The following TP53BP1 variants were observed in gnomAD, a reference collection of about 807,000 sequenced individuals.
TP53BP1 encodes TP53-binding protein 1.
Under a neutral mutation model 200.8 loss-of-function variants are expected in TP53BP1, and 61 were observed. The observed-to-expected ratio is 0.30, with a 90% CI of 0.25 to 0.38. The LOEUF is 0.38. Among genes scored for constraint, TP53BP1 ranks in the 10% least tolerant of loss-of-function variants. The pLI is 1.00. For synonymous variants in TP53BP1, 822 were observed against 844.3 expected (o/e 0.97, Z 0.46); for missense variants, 2,144 against 2,371.9 (o/e 0.90, Z 2.00).
chr15:43,508,351 C>T (rs1042985574), intron 1 of TP53BP1, among the ~76,000 whole-genome samples: 1 of 152,120 alleles, frequency 6.6e-6, no homozygotes, highest in Non-Finnish European at 1.5e-5. Context: ...GAGAGCAAGA[C>T]TCCGTCTCAA....
chr15:43,439,935 T>C (rs989047127), intron 15 of TP53BP1, among the ~76,000 whole-genome samples: 3 of 152,208 alleles, frequency 2.0e-5, no homozygotes, highest in Admixed American at 1.3e-4. Flanking sequence ...TCTAAGACTA[T>C]ATATCATTAA....
At position 43,479,944 on chromosome 15, in the gene TP53BP1, C is replaced by T. The variant is rs778248262; in HGVS notation, c.573G>A (p.Val191=). ...GCTGCTCTTTGTCCACTTCATATGG[C>T]ACAGTATTTTCCTCAACATCCTGGC... ...SQSQDVEENT[V]PYEVDKEQLQ... Residue 191 remains valine (V), a synonymous_variant, in exon 6 of 28, where the codon GTG becomes GTA. Transcript: ENST00000382044. The T allele has an allele frequency of 6.2e-7, 1 of 1,614,016 alleles. No individual in the cohort carries two copies. The highest frequency in any genetic ancestry group is 8.5e-7 in the Non-Finnish European group (1 of 1,180,026).
At chr15:43,475,522 A>G (rs2078867348) in intron 9 of TP53BP1, 43 bp downstream of exon 9, 1 of 1,608,774 alleles carries the variant, frequency 6.2e-7, no homozygotes, top group Non-Finnish European at 8.5e-7. Context: ...TAAGACTCTC[A>G]GGCACATACT....
At chr15:43,468,790 A>G (rs1240986333) in intron 11 of TP53BP1, among the ~76,000 whole-genome samples, 1 of 152,192 alleles carries the variant, frequency 6.6e-6, no homozygotes, top group Non-Finnish European at 1.5e-5. Flanking sequence ...TTCAATTTCA[A>G]TTGGTCACAA....
chr15:43,407,308 C>G lies in TP53BP1; in HGVS notation c.*75G>C. ...TCCATGCAAGGAATCCAGTTACACA[C>G]AAGACACATTTAAAACCTGGTTAAA... On this transcript the variant is annotated 3_prime_UTR_variant, in exon 28 of 28. Coordinates refer to ENST00000382044, the MANE Select transcript of TP53BP1 (RefSeq NM_001141980.3). The G allele has an allele frequency of 1.5e-6, 2 of 1,320,456 alleles. No homozygotes were observed. The highest frequency in any genetic ancestry group is 2.6e-5 in the South Asian group (2 of 76,670). 81.8% of individuals were successfully genotyped at this position (1,320,456 alleles called of 1,614,324 possible). A position where few individuals can be genotyped will look rare whatever the true frequency, so the allele number is the denominator to read the frequency against.
chr15:43,473,651 T>C (rs528684831), intron 10 of TP53BP1, among the ~76,000 whole-genome samples: 22 of 151,804 alleles, frequency 1.4e-4, no homozygotes, highest in Non-Finnish European at 2.5e-4. Flanking sequence ...GAGTGTGGAT[T>C]GGTGCATTCA....
chr15:43,490,622 C>T (rs1354362079), intron 4 of TP53BP1, among the ~76,000 whole-genome samples: 1 of 152,204 alleles, frequency 6.6e-6, no homozygotes, highest in African/African-American at 2.4e-5. Context: ...CCCAAAACTC[C>T]TGAAGTTCTC....
At chr15:43,444,927 T>C (rs563553198) in intron 14 of TP53BP1, among the ~76,000 whole-genome samples, 1 of 151,640 alleles carries the variant, frequency 6.6e-6, no homozygotes, top group Non-Finnish European at 1.5e-5. Context: ...AGGTTGCAAA[T>C]TTTTTTTTGT....
At chr15:43,510,536 A>C in exon 1 of TP53BP1, 1 of 158,928 alleles carries the variant, frequency 6.3e-6, no homozygotes, top group Non-Finnish European at 1.4e-5. Context: ...ACGCCAAACA[A>C]CGATAATACA....
chr15:43,498,273 T>C lies in TP53BP1; in HGVS notation c.-8-5805A>G, dbSNP rs181272136. 2.0e-5 allele frequency among the ~76,000 whole-genome samples: 3 copies of C among 152,340 alleles called. No homozygotes were observed. In the East Asian group the frequency reaches 5.8e-4, roughly 29 times the overall value. On this transcript the variant is annotated intron_variant, in intron 1 of 27. Transcript: ENST00000263801. ...CTCAAAGTATCTCCCTAAAATGTAC[T>C]GAATTATTACAAAGAGAAAAGTGGT...
At chr15:43,423,913 T>C (rs1190578129) in intron 18 of TP53BP1, among the ~76,000 whole-genome samples, 1 of 152,190 alleles carries the variant, frequency 6.6e-6, no homozygotes, top group Non-Finnish European at 1.5e-5. Flanking sequence ...ACTCTGTTTT[T>C]ATTCCTTTTC....
intron 4 of TP53BP1, among the ~76,000 whole-genome samples, chr15:43,488,659 T>C (rs1370130902): frequency 6.6e-6 from 1 of 152,210 alleles, no homozygotes; most frequent in African/African-American, 2.4e-5. Context: ...TTTGGGAGAC[T>C]GAGGCAAGTG....
intron 15 of TP53BP1, among the ~76,000 whole-genome samples, chr15:43,439,123 GC>G (rs2045870215): frequency 6.6e-6 from 1 of 152,110 alleles, no homozygotes; most frequent in Non-Finnish European, 1.5e-5. Context: ...TGAATACATG[GC>G]AGTCCATTAT....
chr15:43,408,229 G>C, intron 26 of TP53BP1, 141 bp from the exon 27 acceptor site: 1 of 877,212 alleles, frequency 1.1e-6, no homozygotes, highest in Non-Finnish European at 1.7e-6. Context: ...TGTAATCCCA[G>C]CACTTTGGGA....
At chr15:43,440,779 C>T (rs1472863388) in intron 15 of TP53BP1, among the ~76,000 whole-genome samples, 1 of 152,050 alleles carries the variant, frequency 6.6e-6, no homozygotes, top group Non-Finnish European at 1.5e-5. Context: ...GCCCCAGCTA[C>T]TCAGGTGGCT....
chr15:43,487,336 A>C (rs1464588292), intron 4 of TP53BP1, among the ~76,000 whole-genome samples: 1 of 152,214 alleles, frequency 6.6e-6, no homozygotes, highest in African/African-American at 2.4e-5. Flanking sequence ...GGATGAAAAA[A>C]AATTAGATCA....
rs2079128762 is a variant in TP53BP1, at chr15:43,491,894, A to T, written c.286+108T>A. On this transcript the variant is annotated intron_variant, in intron 3 of 27. Coordinates refer to ENST00000382044, the MANE Select transcript of TP53BP1 (RefSeq NM_001141980.3). ...GTGACTACTACGCAGATACCACAGT[A>T]GGCTTCCTTACATACATTCGACACA... is the stretch of plus-strand genomic sequence containing the variant. The T allele has an allele frequency of 1.4e-5, 15 of 1,090,990 alleles. No individual in the cohort carries two copies. The East Asian group carries it at 3.5e-4, about 26-fold the overall frequency. 67.6% of individuals were successfully genotyped at this position (1,090,990 alleles called of 1,614,324 possible).
intron 11 of TP53BP1, among the ~76,000 whole-genome samples, chr15:43,458,033 ATAATAC>A (rs1013199144): frequency 1.7e-4 from 26 of 152,080 alleles, no homozygotes; most frequent in African/African-American, 6.3e-4. Flanking sequence ...AATAGTAATA[ATAATAC>A]TAATAATAAT....
intron 11 of TP53BP1, among the ~76,000 whole-genome samples, chr15:43,466,418 T>C (rs1350667623): frequency 6.6e-6 from 1 of 152,184 alleles, no homozygotes; most frequent in Non-Finnish European, 1.5e-5. Flanking sequence ...CAATTACAAT[T>C]TCAGAGAAAA....
Sources: allele counts gnomAD v4.1 joint callset (sites outside exome capture counted in the v4.1 genomes callset), GRCh38; gene constraint gnomAD v4.1.1; transcripts MANE v1.5; gene names NCBI Gene and HGNC (gene_info 2026-07-23, HGNC 2026-07-21).